CD4: variants seen among roughly 807,000 people sequenced by gnomAD.
CD4 encodes the protein CD4 molecule, also known as T-cell surface glycoprotein CD4.
A neutral mutation model predicts 50.5 loss-of-function variants in CD4; 25 were observed. The observed-to-expected ratio is 0.49, with a 90% CI of 0.36 to 0.69. The LOEUF (loss-of-function observed/expected upper bound fraction) is 0.69. Among genes scored for constraint, CD4 ranks in the 30% least tolerant of loss-of-function variants. CD4 has a pLI of 0.00. For missense variants in CD4, 456 were observed against 548.5 expected (o/e 0.83, Z 1.68); for synonymous variants, 207 against 221.9 (o/e 0.93, Z 0.60).
chr12:6,795,207 G>A (rs1052109013), intron 1 of CD4, among the ~76,000 whole-genome samples: 2 of 151,722 alleles, frequency 1.3e-5, no homozygotes, highest in African/African-American at 4.9e-5. Flanking sequence ...CTGTCTGTAT[G>A]TTTATCTAAT....
Position 6,812,826 on chromosome 12 carries a change from C to T in CD4, c.215-1316C>T, listed in dbSNP as rs190004046. Among the ~76,000 whole-genome samples, 32 of 152,022 alleles carry T rather than the reference C, an allele frequency of 2.1e-4. No homozygotes were observed. In the East Asian group the frequency reaches 4.1e-3, roughly 19 times the overall value. ...GTGTGTGTTTTGGGACAGTCTCACTCTCTCACCAAGGCTGGAATGCAGTGG... is the reference window on the plus strand; with the variant it reads ...GTGTGTGTTTTGGGACAGTCTCACTTTCTCACCAAGGCTGGAATGCAGTGG... On this transcript the variant is annotated intron_variant, in intron 3 of 9. Transcript: ENST00000011653.
chr12:6,804,111 A>AAAATAAATAAAT lies in CD4; in HGVS notation c.214+3672_214+3683dup, dbSNP rs141689932. On this transcript the variant is annotated intron_variant, in intron 3 of 9. Coordinates refer to ENST00000011653, the MANE Select transcript of CD4 (RefSeq NM_000616.5). ...AGGCGACAGAGCAAGACTCTGTCTCAAAATAAATAAATAAATAAATAAATA... is the reference window on the plus strand; with the variant it reads ...AGGCGACAGAGCAAGACTCTGTCTCAAAATAAATAAATAAATAAATAAATAAATAAATAAATA... Among the ~76,000 whole-genome samples the AAAATAAATAAAT allele has an allele frequency of 1.3e-3, 192 of 144,674 alleles. 1 individual carries two copies. The highest frequency in any genetic ancestry group is 4.3e-3 in the African/African-American group (168 of 38,680). The allele number at this position is 144,674 out of a possible 152,430, so 94.9% of individuals were successfully genotyped here.
chr12:6,819,687 G>A lies in CD4; in HGVS notation c.*358G>A. ...GAGGCTGGGTGTCTGGAAGCATGGA[G>A]CATGGGACTGTTCTTTTACAAGACA... On this transcript the variant is annotated 3_prime_UTR_variant, in exon 10 of 10. Transcript: ENST00000011653. The A allele has an allele frequency of 6.6e-6, 2 of 301,640 alleles. No homozygotes were observed. The highest frequency in any genetic ancestry group is 8.3e-5 in the South Asian group (2 of 24,106). The allele number at this position is 301,640 out of a possible 1,614,324, so 18.7% of individuals were successfully genotyped here. A position where few individuals can be genotyped will look rare whatever the true frequency, so the allele number is the denominator to read the frequency against.
Position 6,816,937 on chromosome 12 carries a change from G to A in CD4, c.956-193G>A, listed in dbSNP as rs1308313735. Among the ~76,000 whole-genome samples the A allele has an allele frequency of 2.6e-5, 4 of 152,170 alleles. No individual in the cohort carries two copies. Among genetic ancestry groups the A allele is most frequent in the Non-Finnish European group, 4.4e-5 (3 of 68,042 alleles). On this transcript the variant is annotated intron_variant, in intron 6 of 9. Coordinates refer to ENST00000011653, the MANE Select transcript of CD4 (RefSeq NM_000616.5). This position sits in a 1 kb window ranked among gnomAD's most constrained non-coding sequence, Gnocchi z 4.9. ...TGCAGGTTGTTAAGTCACTTGCCCAGAGACACACAGCTGCTAAGCAGTGGA... is the reference window on the plus strand; with the variant it reads ...TGCAGGTTGTTAAGTCACTTGCCCAAAGACACACAGCTGCTAAGCAGTGGA...
chr12:6,789,706 A>AC (rs1942092474), intron 1 of CD4, 44 bp downstream of exon 1: 1 of 152,180 alleles, frequency 6.6e-6, no homozygotes, highest in African/African-American at 2.4e-5. Flanking sequence ...GCTGAGAGGG[A>AC]GGGGAACGTG....
At chr12:6,794,012 T>TCTATCTATCTATCTATCAC (rs1942285444) in intron 1 of CD4, among the ~76,000 whole-genome samples, 1 of 139,732 alleles carries the variant, frequency 7.2e-6, no homozygotes, top group Non-Finnish European at 1.6e-5. Context: ...CTATCACCTA[T>TCTATCTATCTATCTATCAC]CTATCTAATC....
chr12:6,803,024 C>T (rs1173787351), intron 3 of CD4, among the ~76,000 whole-genome samples: 2 of 152,152 alleles, frequency 1.3e-5, no homozygotes, highest in Non-Finnish European at 2.9e-5. Flanking sequence ...TGAGCCACCG[C>T]ACTCGGCCTA....
chr12:6,814,356 C>T, intron 4 of CD4, 56 bp downstream of exon 4: 1 of 1,553,516 alleles, frequency 6.4e-7, no homozygotes, highest in Non-Finnish European at 8.7e-7. Flanking sequence ...TTCCCCACTA[C>T]TCCCACCCCT....
intron 4 of CD4, 112 bp from the exon 5 acceptor site, chr12:6,814,646 GA>G (rs1424190569): frequency 1.2e-6 from 1 of 863,272 alleles, no homozygotes; most frequent in East Asian, 2.4e-5. Flanking sequence ...TGGGTGCTGG[GA>G]GGAAGGAGAT....
chr12:6,818,990 G>A lies in CD4; in HGVS notation c.1346+76G>A, dbSNP rs1274464257. 5.5e-6 allele frequency: 4 copies of A among 728,376 alleles called. No homozygotes were observed. The highest frequency in any genetic ancestry group is 9.0e-6 in the Non-Finnish European group (4 of 446,386). The allele number at this position is 728,376 out of a possible 1,614,324, so 45.1% of individuals were successfully genotyped here. On this transcript the variant is annotated intron_variant, in intron 9 of 9. Coordinates refer to ENST00000011653, the MANE Select transcript of CD4 (RefSeq NM_000616.5). The surrounding 1 kb of genome is among the most constrained non-coding windows in gnomAD (Gnocchi z 5.0). ...GAGTTAGAGAGGAGGGGGAGGAAGGGGAGCAAAGGGGGGCAGGAAGGGAGG... is the reference window on the plus strand; with the variant it reads ...GAGTTAGAGAGGAGGGGGAGGAAGGAGAGCAAAGGGGGGCAGGAAGGGAGG...
rs1433943690 is a variant in CD4, at chr12:6,819,324, A to G, written c.1372A>G (p.Ile458Val). The G allele has an allele frequency of 6.2e-7, 1 of 1,613,936 alleles. No homozygotes were observed. Among genetic ancestry groups the G allele is most frequent in the African/African-American group, 1.3e-5 (1 of 74,888 alleles). Residue 458 changes from isoleucine (I) to valine (V), a missense_variant, in exon 10 of 10, where the codon ATT (isoleucine) becomes GTT (valine). Coordinates refer to ENST00000011653, the MANE Select transcript of CD4 (RefSeq NM_000616.5). The stretch of plus-strand genomic sequence containing the variant: ...CCGGTTTCAGAAGACATGTAGCCCC[A>G]TTTGAGGCACGAGGCCAGGCAGATC... ...PHRFQKTCSP[I>V]
At chr12:6,811,427 C>T (rs906649241) in intron 3 of CD4, among the ~76,000 whole-genome samples, 1 of 151,572 alleles carries the variant, frequency 6.6e-6, no homozygotes, top group East Asian at 1.9e-4. Context: ...CATTGCATAG[C>T]GAAATAGCCT....
intron 3 of CD4, among the ~76,000 whole-genome samples, chr12:6,809,352 C>T (rs1159279053): frequency 1.3e-5 from 2 of 151,934 alleles, no homozygotes; most frequent in African/African-American, 2.4e-5. Flanking sequence ...AAAAGTTAGT[C>T]GGGAGTGGTG....
chr12:6,817,820 C>G (rs928000354), intron 7 of CD4, among the ~76,000 whole-genome samples: 1 of 151,332 alleles, frequency 6.6e-6, no homozygotes, highest in East Asian at 2.0e-4. Context: ...CACCCATGCA[C>G]TCACACACTG....
In CD4 at chr12:6,818,137, A is replaced by G. The variant is rs1267190357; in HGVS notation, c.1157-284A>G. Among the ~76,000 whole-genome samples the G allele has an allele frequency of 6.6e-6, 1 of 151,924 alleles. No individual in the cohort carries two copies. The highest frequency in any genetic ancestry group is 1.5e-5 in the Non-Finnish European group (1 of 67,958). Reference sequence around the variant, plus strand: ...ACATTCACACCATTCACACACGCACACACATGCACACACTCACACATGCAC... The same window carrying G: ...ACATTCACACCATTCACACACGCACGCACATGCACACACTCACACATGCAC... On this transcript the variant is annotated intron_variant, in intron 7 of 9. Coordinates refer to ENST00000011653, the MANE Select transcript of CD4 (RefSeq NM_000616.5). The surrounding 1 kb of genome is among the most constrained non-coding windows in gnomAD (Gnocchi z 5.0).
At chr12:6,799,669 TG>T (rs1942476584) in intron 1 of CD4, 1 of 156,090 alleles carries the variant, frequency 6.4e-6, no homozygotes, top group Admixed American at 6.3e-5. Flanking sequence ...TTAGTAGAGA[TG>T]GGGTTTCACC....
intron 1 of CD4, among the ~76,000 whole-genome samples, chr12:6,790,972 C>T (rs922428990): frequency 6.2e-4 from 95 of 152,202 alleles, no homozygotes; most frequent in Non-Finnish European, 1.2e-3. Flanking sequence ...ATTCCTTGTG[C>T]TGTATCAGAT....
At chr12:6,794,800 T>TTTTTTTTTTTTTTG in intron 1 of CD4, among the ~76,000 whole-genome samples, 1 of 143,298 alleles carries the variant, frequency 7.0e-6, no homozygotes, top group African/African-American at 2.7e-5. Flanking sequence ...TTTTTTTTTT[T>TTTTTTTTTTTTTTG]TTGAGATAGA....
Position 6,798,393 on chromosome 12 carries a change from C to T in CD4, c.-67-1679C>T, listed in dbSNP as rs1442577961. On this transcript the variant is annotated intron_variant, in intron 1 of 9. Coordinates refer to ENST00000011653, the MANE Select transcript of CD4 (RefSeq NM_000616.5). ...TTCACCGTGTTCACCAGGATGGTCT[C>T]GATCTCCTGACCTCATGATCCGCCC... Among the ~76,000 whole-genome samples the T allele has an allele frequency of 7.3e-5, 7 of 95,562 alleles. 1 individual carries two copies. Among genetic ancestry groups the T allele is most frequent in the East Asian group, 1.9e-4 (1 of 5,176 alleles). The allele number at this position is 95,562 out of a possible 152,430, so 62.7% of individuals were successfully genotyped here.
Sources: gnomAD v4.1 joint callset for allele counts (sites outside exome capture counted in the v4.1 genomes callset) on GRCh38, gnomAD v4.1.1 for gene constraint, Gnocchi (gnomAD v3.1) non-coding constraint, MANE v1.5 for transcripts, NCBI Gene and HGNC (gene_info 2026-07-23, HGNC 2026-07-21) for gene names.